The following TRIM41 variants were observed in gnomAD, a reference collection of about 807,000 sequenced individuals.
TRIM41 encodes the protein tripartite motif containing 41.
Under a neutral mutation model 60.6 loss-of-function variants are expected in TRIM41, and 21 were observed. That is an observed-to-expected ratio of 0.35 (90% CI 0.25 to 0.50). TRIM41 has a LOEUF of 0.50. TRIM41 is among the 20% of genes least tolerant of loss of function. The pLI is 0.98. For missense variants in TRIM41, 846 were observed against 868.3 expected (o/e 0.97, Z 0.32); for synonymous variants, 407 against 344.9 (o/e 1.18, Z -2.00).
At chr5:181,230,967 G>A (rs1758773436) in intron 2 of TRIM41, 128 bp downstream of exon 2, 1 of 776,282 alleles carries the variant, frequency 1.3e-6, no homozygotes, top group Non-Finnish European at 2.3e-6. Context: ...GAGAGGGGTA[G>A]ATGCTTTCCC....
chr5:181,233,248 G>A lies in TRIM41; in HGVS notation c.1141-165G>A. 8.7e-6 allele frequency: 7 copies of A among 803,816 alleles called. No homozygotes were observed. The highest frequency in any genetic ancestry group is 1.5e-5 in the Non-Finnish European group (7 of 456,486). The allele number at this position is 803,816 out of a possible 1,614,324, so 49.8% of individuals were successfully genotyped here. The stretch of plus-strand genomic sequence containing the variant: ...CGAGTTAGGTATGGCGAGGCATGGG[G>A]TGGTTGAAATGGATGTGTGTTCATT... On this transcript the variant is annotated intron_variant, in intron 3 of 5. Transcript: ENST00000315073. This position sits in a 1 kb window ranked among gnomAD's most constrained non-coding sequence, Gnocchi z 4.1.
In TRIM41 at chr5:181,235,651, TC is replaced by T; in HGVS notation, c.*880del. 1 of 514,086 alleles carries T rather than the reference TC, an allele frequency of 1.9e-6. No individual in the cohort carries two copies. The highest frequency in any genetic ancestry group is 3.5e-6 in the Non-Finnish European group (1 of 285,354). 31.8% of individuals were successfully genotyped at this position (514,086 alleles called of 1,614,324 possible). A position where few individuals can be genotyped will look rare whatever the true frequency, so the allele number is the denominator to read the frequency against. ...GGGGGAGCCTGGGGACGGGTTTGGG[TC>T]CCCAGGAGGAGAGCCTTGGGTATAA... On this transcript the variant is annotated 3_prime_UTR_variant, in exon 6 of 6. Transcript: ENST00000315073.
chr5:181,223,940 G>C lies in TRIM41; in HGVS notation c.-60G>C, dbSNP rs1475599334. The C allele has an allele frequency of 2.4e-5, 36 of 1,531,632 alleles. No individual in the cohort carries two copies. Among genetic ancestry groups the C allele is most frequent in the Non-Finnish European group, 3.0e-5 (34 of 1,133,724 alleles). 94.9% of individuals were successfully genotyped at this position (1,531,632 alleles called of 1,614,324 possible). On this transcript the variant is annotated 5_prime_UTR_variant, in exon 1 of 6. Transcript: ENST00000315073. ...AGCCGGGTCGCCAGGGCGTCGGTAG[G>C]GAAGACCCCCGCCCCTCGCCCCCCC...
chr5:181,232,915 C>T (rs1158478624), intron 3 of TRIM41, 26 bp downstream of exon 3: 2 of 1,534,166 alleles, frequency 1.3e-6, no homozygotes, highest in African/African-American at 2.7e-5. Flanking sequence ...TCCCTGTTCC[C>T]CCAGCATTCT....
rs1758369537 is a variant in TRIM41 at position 181,223,359 on chromosome 5, T to A, written c.-641T>A. The A allele has an allele frequency of 2.5e-6, 1 of 400,002 alleles. No individual in the cohort carries two copies. 24.8% of individuals were successfully genotyped at this position (400,002 alleles called of 1,614,324 possible). ...GTAGGATGGCGTCTGGCCGATGCGG[T>A]GATAGCACCGAAAGCAGACGGCCGC... On this transcript the variant is annotated 5_prime_UTR_variant, in exon 1 of 6. The change abolishes the stop of an existing upstream ORF in the 5' untranslated region. Transcript: ENST00000315073.
At chr5:181,231,115 C>T in intron 2 of TRIM41, 1 of 343,864 alleles carries the variant, frequency 2.9e-6, no homozygotes, top group Non-Finnish European at 5.7e-6. Flanking sequence ...TTCTACCCGA[C>T]ACCAGAGCCT....
Position 181,233,675 on chromosome 5 carries a change from C to G in TRIM41, c.1203C>G (p.Ser401=), listed in dbSNP as rs746190094. The change falls in exon 5 of 6, where the codon TCC becomes TCG. Residue 401 remains serine, a synonymous_variant. Transcript: ENST00000315073. The surrounding 1 kb of genome is among the most constrained non-coding windows in gnomAD (Gnocchi z 4.1). ...AGCTGCAGCCCCCAGAGGTCTGGTC[C>G]CCTGACCCGTGCCAACCCCATAGCC... is the stretch of plus-strand genomic sequence containing the variant. The part of the protein sequence containing the change: ...EVQLQPPEVW[S]PDPCQPHSHD... The G allele has an allele frequency of 6.2e-7, 1 of 1,614,192 alleles. No individual in the cohort carries two copies. The highest frequency in any genetic ancestry group is 1.1e-5 in the South Asian group (1 of 91,082).
intron 1 of TRIM41, 112 bp downstream of exon 1, chr5:181,224,924 G>T: frequency 6.9e-7 from 1 of 1,455,390 alleles, no homozygotes; most frequent in South Asian, 1.2e-5. Flanking sequence ...CATGGTATTG[G>T]TGAGCCAAGT....
At position 181,223,327 on chromosome 5, in the gene TRIM41, C is replaced by T. The variant is rs1031159158; in HGVS notation, c.-673C>T. The stretch of plus-strand genomic sequence containing the variant: ...GAGTACCGGCTGCAGTCGGCTGTGC[C>T]GGGAGGGTAGGATGGCGTCTGGCCG... On this transcript the variant is annotated 5_prime_UTR_variant, in exon 1 of 6. Coordinates refer to ENST00000315073, the MANE Select transcript of TRIM41 (RefSeq NM_033549.5). 16 of 399,308 alleles carry T rather than the reference C, an allele frequency of 4.0e-5. No individual in the cohort carries two copies. The highest frequency in any genetic ancestry group is 6.2e-5 in the Non-Finnish European group (14 of 226,658). The allele number at this position is 399,308 out of a possible 1,614,324, so 24.7% of individuals were successfully genotyped here.
chr5:181,235,773 G>A lies in TRIM41; in HGVS notation c.*998G>A, dbSNP rs765476016. On this transcript the variant is annotated 3_prime_UTR_variant, in exon 6 of 6. Transcript: ENST00000315073. ...CTCATGTTCTTTGGGAAAAGGGAAG[G>A]CGTGCTGTGGAAATAAAATGTTTAT... The A allele has an allele frequency of 9.1e-6, 2 of 220,442 alleles. No homozygotes were observed. The highest frequency in any genetic ancestry group is 1.9e-5 in the Non-Finnish European group (2 of 107,498). 13.7% of individuals were successfully genotyped at this position (220,442 alleles called of 1,614,324 possible).
At position 181,234,133 on chromosome 5, in the gene TRIM41, C is replaced by A; in HGVS notation, c.1292-41C>A. The A allele has an allele frequency of 6.2e-7, 1 of 1,601,726 alleles. No individual in the cohort carries two copies. ...GAGTTGGCTGCTGACAGGGGAACAG[C>A]CGTTCCAGCCCTGGCGTATTTGTCC... On this transcript the variant is annotated intron_variant, in intron 5 of 5. Transcript: ENST00000315073. The surrounding 1 kb of genome is among the most constrained non-coding windows in gnomAD (Gnocchi z 5.6).
In TRIM41 at chr5:181,233,477, G is replaced by A. The variant is rs749817863; in HGVS notation, c.1163+42G>A. The A allele has an allele frequency of 4.3e-6, 7 of 1,614,064 alleles. No individual in the cohort carries two copies. The East Asian group carries it at 1.6e-4, about 36-fold the overall frequency. ...TGCCCTTCGTGACCCAGTGGCATCTGGTTCCCTGTCCCTGCTTCTCTTCGG... is the reference window on the plus strand; with the variant it reads ...TGCCCTTCGTGACCCAGTGGCATCTAGTTCCCTGTCCCTGCTTCTCTTCGG... On this transcript the variant is annotated intron_variant, in intron 4 of 5. Coordinates refer to ENST00000315073, the MANE Select transcript of TRIM41 (RefSeq NM_033549.5). The surrounding 1 kb of genome is among the most constrained non-coding windows in gnomAD (Gnocchi z 4.1).
chr5:181,224,203 A>G lies in TRIM41; in HGVS notation c.204A>G (p.Gly68=), dbSNP rs779239021. 1.9e-6 allele frequency: 3 copies of G among 1,610,980 alleles called. No homozygotes were observed. Among genetic ancestry groups the G allele is most frequent in the Non-Finnish European group, 2.5e-6 (3 of 1,179,132 alleles). ...ELDREEEEED[G]EEEEVEAVGA... ...ATCGGGAGGAGGAGGAGGAGGACGG[A>G]GAGGAGGAGGAAGTGGAGGCTGTGG... The change falls in exon 1 of 6, where the codon GGA becomes GGG. Residue 68 remains glycine (G), a synonymous_variant. Transcript: ENST00000315073.
rs1487794539 is a variant in TRIM41, at chr5:181,234,473, C to G, written c.1591C>G (p.His531Asp). Residue 531 changes from histidine (H) to aspartate (D), a missense_variant, in exon 6 of 6, where the codon CAC (histidine) becomes GAC (aspartate). By Grantham distance (81) the His-to-Asp change is moderately conservative. Coordinates refer to ENST00000315073, the MANE Select transcript of TRIM41 (RefSeq NM_033549.5). This position sits in a 1 kb window ranked among gnomAD's most constrained non-coding sequence, Gnocchi z 5.6. ...GSGDASSSRH[H>D]HRRRRLHLPQ... The stretch of plus-strand genomic sequence containing the variant: ...CGGGGATGCCAGCTCCTCGCGCCAT[C>G]ACCATCGCCGCCGCCGGCTCCACCT... 6.2e-7 allele frequency: 1 copy of G among 1,613,320 alleles called. No individual in the cohort carries two copies. The highest frequency in any genetic ancestry group is 8.5e-7 in the Non-Finnish European group (1 of 1,179,600).
rs1759034619 is a variant in TRIM41 at position 181,235,071 on chromosome 5, G to A, written c.*296G>A. On this transcript the variant is annotated 3_prime_UTR_variant, in exon 6 of 6. Coordinates refer to ENST00000315073, the MANE Select transcript of TRIM41 (RefSeq NM_033549.5). ...GTCTGCCTAGCCCAGCCCTGGGACT[G>A]GAATTTGAGTAGGGGATGAGGGGAA... is the stretch of plus-strand genomic sequence containing the variant. 1.2e-6 allele frequency: 2 copies of A among 1,611,062 alleles called. No individual in the cohort carries two copies. Among genetic ancestry groups the A allele is most frequent in the Non-Finnish European group, 1.7e-6 (2 of 1,179,130 alleles).
At chr5:181,230,613 C>A in intron 1 of TRIM41, 131 bp from the exon 2 acceptor site, 1 of 533,936 alleles carries the variant, frequency 1.9e-6, no homozygotes, top group Non-Finnish European at 3.5e-6. Context: ...AGGTATAATA[C>A]TCACTTGACA....
In TRIM41 at chr5:181,233,455, C is replaced by G. The variant is rs745721622; in HGVS notation, c.1163+20C>G. 3 of 1,614,114 alleles carry G rather than the reference C, an allele frequency of 1.9e-6. No homozygotes were observed. The highest frequency in any genetic ancestry group is 2.5e-6 in the Non-Finnish European group (3 of 1,180,020). On this transcript the variant is annotated intron_variant, in intron 4 of 5. Coordinates refer to ENST00000315073, the MANE Select transcript of TRIM41 (RefSeq NM_033549.5). This position sits in a 1 kb window ranked among gnomAD's most constrained non-coding sequence, Gnocchi z 4.1. ...CAATAGGTGTGTTCCCAGTCTTTGC[C>G]CTTCGTGACCCAGTGGCATCTGGTT...
intron 1 of TRIM41, chr5:181,229,631 A>C (rs1758705651): frequency 6.6e-6 from 1 of 152,320 alleles, no homozygotes; most frequent in Admixed American, 6.5e-5. Flanking sequence ...CAGGAGAGAA[A>C]GCAGATGAGC....
chr5:181,234,614 C>T lies in TRIM41; in HGVS notation c.1732C>T (p.Arg578Cys), dbSNP rs199599495. Residue 578 changes from arginine to cysteine, a missense_variant, in exon 6 of 6, where the codon CGC becomes TGC. By Grantham distance (180) the Arg-to-Cys change is radical. Transcript: ENST00000315073. This position sits in a 1 kb window ranked among gnomAD's most constrained non-coding sequence, Gnocchi z 5.6. ...TLLSPSEKPR[R>C]FGVYLDYEAG... ...GCTGAGCCCCAGTGAGAAACCAAGGCGCTTTGGTGTGTACCTGGACTATGA... is the reference window on the plus strand; with the variant it reads ...GCTGAGCCCCAGTGAGAAACCAAGGTGCTTTGGTGTGTACCTGGACTATGA... 7.2e-5 allele frequency: 117 copies of T among 1,613,968 alleles called. No homozygotes were observed. The highest frequency in any genetic ancestry group is 1.6e-4 in the Middle Eastern group (1 of 6,082).
Sources: gnomAD v4.1 joint callset for allele counts on GRCh38, gnomAD v4.1.1 for gene constraint, Gnocchi (gnomAD v3.1) non-coding constraint, MANE v1.5 for transcripts, NCBI Gene and HGNC (gene_info 2026-07-23, HGNC 2026-07-21) for gene names.